The following EDA2R variants were observed in gnomAD, a reference collection of about 807,000 sequenced individuals.
The protein encoded by EDA2R is ectodysplasin A2 receptor.
EDA2R carries 26 observed loss-of-function variants against 20.1 expected under a neutral mutation model. The ratio of observed to expected loss-of-function variants is 1.30; its 90% CI spans 0.95 to 1.80. The LOEUF (loss-of-function observed/expected upper bound fraction) is 1.80, where lower values mean the gene tolerates loss of function less well. Among genes scored for constraint, EDA2R ranks in the 40% most tolerant of loss-of-function variants. The probability of loss-of-function intolerance (pLI) is 0.00; values close to 1 mark genes in which losing one functional copy is unlikely to be tolerated. For missense variants in EDA2R, 277 were observed against 228.7 expected (o/e 1.21, Z -1.36); for synonymous variants, 114 against 88.7 (o/e 1.29, Z -1.60).
intron 2 of EDA2R, among the ~76,000 whole-genome samples, chrX:66,609,937 A>G (rs1189654976): frequency 8.9e-6 from 1 of 111,919 alleles, no homozygotes; most frequent in Non-Finnish European, 1.9e-5. Flanking sequence ...AAGTACCAAA[A>G]CAAAATATAA....
At chrX:66,616,407 G>T (rs772037563) in intron 1 of EDA2R, among the ~76,000 whole-genome samples, 4 of 111,764 alleles carry the variant, frequency 3.6e-5, no homozygotes, top group Non-Finnish European at 5.7e-5. Flanking sequence ...CTGCCCAGGG[G>T]GTAAAGAATA....
chrX:66,604,833 T>C (rs1929357836), intron 3 of EDA2R, among the ~76,000 whole-genome samples: 1 of 112,170 alleles, frequency 8.9e-6, no homozygotes, highest in African/African-American at 3.2e-5. Context: ...AGAGTGATGA[T>C]GGAAAAGCGG....
Position 66,602,818 on chromosome X carries a change from G to A in EDA2R, c.353-21C>T, listed in dbSNP as rs769528529. The A allele has an allele frequency of 5.2e-6, 6 of 1,160,947 alleles. No homozygotes were observed. In the South Asian group the frequency reaches 6.0e-5, roughly 12 times the overall value. ...GGCACCTGTGAGACAAAAAAATGGGGGAGGTCAGTTAGCATGGGCAGTAAA... is the reference window on the plus strand; with the variant it reads ...GGCACCTGTGAGACAAAAAAATGGGAGAGGTCAGTTAGCATGGGCAGTAAA... On this transcript the variant is annotated intron_variant, in intron 4 of 6. Transcript: ENST00000374719.
chrX:66,636,389 T>C (rs1370039516), intron 1 of EDA2R, among the ~76,000 whole-genome samples: 1 of 110,608 alleles, frequency 9.0e-6, no homozygotes, highest in East Asian at 2.9e-4. Flanking sequence ...ATCTGAGCTG[T>C]TTGACCTGGG....
At chrX:66,601,062 T>C (rs1383290908) in intron 5 of EDA2R, among the ~76,000 whole-genome samples, 2 of 111,820 alleles carry the variant, frequency 1.8e-5, no homozygotes, top group African/African-American at 6.5e-5. Flanking sequence ...CAGTGACTCC[T>C]GAAAAACAGT....
intron 1 of EDA2R, among the ~76,000 whole-genome samples, chrX:66,622,043 T>C (rs997276774): frequency 1.4e-4 from 16 of 111,677 alleles, no homozygotes; most frequent in African/African-American, 4.9e-4. Context: ...CAAATATAAT[T>C]TGATTCATCC....
At chrX:66,598,194 G>T in intron 6 of EDA2R, 101 bp from the exon 7 acceptor site, 1 of 254,264 alleles carries the variant, frequency 3.9e-6, no homozygotes, top group Non-Finnish European at 7.0e-6. Context: ...CAATGGTTGA[G>T]GATGTAATAG....
intron 1 of EDA2R, among the ~76,000 whole-genome samples, chrX:66,633,628 G>C (rs950972149): frequency 9.0e-6 from 1 of 111,520 alleles, no homozygotes; most frequent in East Asian, 2.8e-4. Context: ...CCCCAAGCCA[G>C]ACCGGCACTC....
At chrX:66,618,407 T>C (rs888455308) in intron 1 of EDA2R, among the ~76,000 whole-genome samples, 1 of 111,877 alleles carries the variant, frequency 8.9e-6, no homozygotes, top group African/African-American at 3.3e-5. Flanking sequence ...TAATCAACAG[T>C]TTCCTGTAGC....
In EDA2R at chrX:66,595,800, C is replaced by G. The variant is rs964254225; in HGVS notation, c.*2304G>C. On this transcript the variant is annotated 3_prime_UTR_variant, in exon 7 of 7. Coordinates refer to ENST00000374719, the MANE Select transcript of EDA2R (RefSeq NM_021783.5). ...AAAATAATTAAAATGTACCAATATT[C>G]AATGTAAAACACTGAAGACCTAGCT... The G allele has an allele frequency of 3.6e-5, 4 of 111,038 alleles. No individual in the cohort carries two copies. Among genetic ancestry groups the G allele is most frequent in the African/African-American group, 1.3e-4 (4 of 30,438 alleles). The allele number at this position is 111,038 out of a possible 1,213,427, so 9.2% of individuals were successfully genotyped here.
chrX:66,619,210 T>C (rs1201166238), intron 1 of EDA2R, among the ~76,000 whole-genome samples: 1 of 111,610 alleles, frequency 9.0e-6, no homozygotes, highest in Non-Finnish European at 1.9e-5. Flanking sequence ...TCCTCCTCAT[T>C]AATCGCAACC....
At chrX:66,628,553 A>G (rs1482838227) in intron 1 of EDA2R, among the ~76,000 whole-genome samples, 2 of 111,021 alleles carry the variant, frequency 1.8e-5, no homozygotes, top group South Asian at 3.8e-4. Flanking sequence ...TCAGGCTACT[A>G]TGAACATCAT....
intron 1 of EDA2R, among the ~76,000 whole-genome samples, chrX:66,616,351 C>A (rs1043564769): frequency 1.8e-5 from 2 of 112,177 alleles, no homozygotes; most frequent in African/African-American, 6.5e-5. Flanking sequence ...GTGGCTATAC[C>A]AGGAGCTGAA....
At chrX:66,615,655 A>T (rs760452662) in intron 2 of EDA2R, among the ~76,000 whole-genome samples, 11 of 111,345 alleles carry the variant, frequency 9.9e-5, no homozygotes, top group African/African-American at 3.3e-4. Flanking sequence ...TAGATGACAG[A>T]TTACCCTAAT....
intron 2 of EDA2R, among the ~76,000 whole-genome samples, chrX:66,615,055 G>A (rs1322580441): frequency 1.8e-5 from 2 of 111,535 alleles, no homozygotes; most frequent in Non-Finnish European, 1.9e-5. Context: ...TAGCCACCCA[G>A]TCACCCTAAT....
chrX:66,599,473 C>T lies in EDA2R; in HGVS notation c.*10+1G>A. 8.8e-7 allele frequency: 1 copy of T among 1,137,479 alleles called. No homozygotes were observed. The highest frequency in any genetic ancestry group is 2.1e-5 in the South Asian group (1 of 46,889). 93.7% of individuals were successfully genotyped at this position (1,137,479 alleles called of 1,213,427 possible). The stretch of plus-strand genomic sequence containing the variant: ...TTTTCTGATCCACCTTTCCAGCTCA[C>T]CTCATTAGAGTTAAGGGCTGGGAAC... On this transcript the variant is annotated splice_donor_variant, in intron 6 of 6. Coordinates refer to ENST00000374719, the MANE Select transcript of EDA2R (RefSeq NM_021783.5). LOFTEE classifies it low-confidence loss of function (3UTR_SPLICE).
rs1354959663 is a variant in EDA2R at position 66,595,708 on chromosome X, C to CATG, written c.*2395_*2396insCAT. On this transcript the variant is annotated 3_prime_UTR_variant, in exon 7 of 7. Transcript: ENST00000374719. ...AGCATCATAAACAAACATAGCCCTG[C>CATG]CAGTATCTACACATGCATATGGCTC... 2 of 111,976 alleles carry CATG rather than the reference C, an allele frequency of 1.8e-5. No individual in the cohort carries two copies. The highest frequency in any genetic ancestry group is 3.8e-5 in the Non-Finnish European group (2 of 53,119). 9.2% of individuals were successfully genotyped at this position (111,976 alleles called of 1,213,427 possible).
chrX:66,636,581 C>T (rs1934345333), intron 1 of EDA2R, among the ~76,000 whole-genome samples: 1 of 109,839 alleles, frequency 9.1e-6, no homozygotes, highest in Non-Finnish European at 1.9e-5. Flanking sequence ...CCAAGGCTTT[C>T]CCTGAAGACA....
chrX:66,629,798 T>A (rs1933536495), intron 1 of EDA2R, among the ~76,000 whole-genome samples: 1 of 109,757 alleles, frequency 9.1e-6, no homozygotes, highest in Non-Finnish European at 1.9e-5. Context: ...ACAATTCACA[T>A]CAAAATACCA....
Sources: gnomAD v4.1 joint callset for allele counts (sites outside exome capture counted in the v4.1 genomes callset) on GRCh38, gnomAD v4.1.1 for gene constraint, MANE v1.5 for transcripts, NCBI Gene and HGNC (gene_info 2026-07-23, HGNC 2026-07-21) for gene names.